Variants in FOXO4 observed in about 807,000 individuals in gnomAD.
The protein encoded by FOXO4 is forkhead box protein O4.
In FOXO4, 3 loss-of-function variants were observed where a neutral mutation model predicts 20.8. That is an observed-to-expected ratio of 0.14 (90% confidence interval 0.07 to 0.37). FOXO4 has a LOEUF of 0.37. Among genes scored for constraint, FOXO4 ranks in the 10% least tolerant of loss-of-function variants. The probability of loss-of-function intolerance (pLI) is 1.00; values close to 1 mark genes in which losing one functional copy is unlikely to be tolerated. For synonymous variants in FOXO4, 158 were observed against 180.0 expected (o/e 0.88, Z 0.98); for missense variants, 309 against 431.9 (o/e 0.72, Z 2.52).
At chrX:71,100,406 CT>C (rs778347611) in intron 1 of FOXO4, among the ~76,000 whole-genome samples, 3 of 106,998 alleles carry the variant, frequency 2.8e-5, no homozygotes, top group Non-Finnish European at 5.8e-5. Context: ...GTTTTCCCCC[CT>C]GGATTCAACT....
Position 71,101,330 on chromosome X carries a change from A to G in FOXO4, c.1100A>G (p.Glu367Gly). The change falls in exon 2 of 3, where the codon GAG (glutamate) becomes GGG (glycine). Residue 367 changes from glutamate to glycine, a missense_variant. By Grantham distance (98) the Glu-to-Gly change is moderately conservative. This residue lies in a region of FOXO4 where 223 missense variants were observed against 302.7 expected (regional missense o/e 0.74). Transcript: ENST00000374259. ...TGCTTCTCCAGCTCCCAGGCTCTGG[A>G]GGCCCTGCTCACCTCTGATACGCCA... ...EGCFSSSQAL[E>G]ALLTSDTPPP... 8.3e-7 allele frequency: 1 copy of G among 1,211,270 alleles called. No individual in the cohort carries two copies. Among genetic ancestry groups the G allele is most frequent in the Non-Finnish European group, 1.1e-6 (1 of 895,296 alleles).
chrX:71,096,683 C>A lies in FOXO4; in HGVS notation c.155C>A (p.Pro52Gln), dbSNP rs769783402. The change falls in exon 1 of 3, where the codon CCA becomes CAA. Residue 52 changes from proline (P) to glutamine (Q), a missense_variant. This residue lies in a region of FOXO4 where 81 missense variants were observed against 94.2 expected (regional missense o/e 0.86). Transcript: ENST00000374259. ...CCGTCCGAGCCGCCCGAGGTGGAGC[C>A]AGATCTGGGGGAAAAGGTACACACG... ...NQPSEPPEVE[P>Q]DLGEKVHTEG... The A allele has an allele frequency of 8.3e-7, 1 of 1,210,669 alleles. No homozygotes were observed. Among genetic ancestry groups the A allele is most frequent in the South Asian group, 1.8e-5 (1 of 56,726 alleles).
In FOXO4 at chrX:71,101,236, G is replaced by C; in HGVS notation, c.1006G>C (p.Gly336Arg). Residue 336 changes from glycine to arginine, a missense_variant, in exon 2 of 3, where the codon GGC becomes CGC. Gly to Arg is a moderately radical substitution (Grantham distance 125, BLOSUM62 -2). Around this residue, in one of 3 missense-constraint regions of FOXO4, gnomAD observed 223 missense variants for 302.7 expected, o/e 0.74. Coordinates refer to ENST00000374259, the MANE Select transcript of FOXO4 (RefSeq NM_005938.4). ...GFSLQHPGVT[G>R]PLHTYSSSLF... The stretch of plus-strand genomic sequence containing the variant: ...CTCTTTGCAGCATCCTGGGGTTACC[G>C]GCCCCTTACACACCTACAGCAGCTC... 8.3e-7 allele frequency: 1 copy of C among 1,211,234 alleles called. No individual in the cohort carries two copies. The highest frequency in any genetic ancestry group is 1.1e-6 in the Non-Finnish European group (1 of 895,343).
At position 71,101,061 on chromosome X, in the gene FOXO4, G is replaced by C. The variant is rs1405484394; in HGVS notation, c.831G>C (p.Glu277Asp). ...VSTRLSPLRP[E>D]SEVLAEEIPA... ...CCCGGCTGTCCCCCTTGAGGCCAGA[G>C]TCTGAGGTGCTGGCGGAGGAAATAC... The change falls in exon 2 of 3, where the codon GAG becomes GAC. Residue 277 changes from glutamate to aspartate, a missense_variant. This residue lies in a region of FOXO4 where 223 missense variants were observed against 302.7 expected (regional missense o/e 0.74). Transcript: ENST00000374259. 8.3e-7 allele frequency: 1 copy of C among 1,210,262 alleles called. No homozygotes were observed. The highest frequency in any genetic ancestry group is 1.1e-6 in the Non-Finnish European group (1 of 895,210).
At chrX:71,101,819 C>T (rs777474337) in intron 2 of FOXO4, 79 bp downstream of exon 2, 2 of 872,844 alleles carry the variant, frequency 2.3e-6, no homozygotes, top group South Asian at 2.0e-5. Flanking sequence ...ATGATCTGGG[C>T]GAAGGGGAGA....
At chrX:71,098,897 G>A (rs1259756756) in intron 1 of FOXO4, among the ~76,000 whole-genome samples, 1 of 111,147 alleles carries the variant, frequency 9.0e-6, no homozygotes, top group Non-Finnish European at 1.9e-5. Flanking sequence ...AGGGTCCCAG[G>A]AACACAAGGA....
rs1276524341 is a variant in FOXO4 at position 71,096,363 on chromosome X, A to G, written c.-166A>G. The stretch of plus-strand genomic sequence containing the variant: ...GGGGATCGGAGAACTGTGTGAAGGG[A>G]CAGCTTAGGGACTAGCGTCCTGGGA... On this transcript the variant is annotated 5_prime_UTR_variant, in exon 1 of 3. Coordinates refer to ENST00000374259, the MANE Select transcript of FOXO4 (RefSeq NM_005938.4). 6.4e-6 allele frequency: 3 copies of G among 467,405 alleles called. No individual in the cohort carries two copies. Among genetic ancestry groups the G allele is most frequent in the Non-Finnish European group, 1.1e-5 (3 of 264,953 alleles). 38.5% of individuals were successfully genotyped at this position (467,405 alleles called of 1,213,427 possible). A position where few individuals can be genotyped will look rare whatever the true frequency, so the allele number is the denominator to read the frequency against.
intron 1 of FOXO4, among the ~76,000 whole-genome samples, chrX:71,098,211 T>C (rs2092222652): frequency 8.9e-6 from 1 of 112,514 alleles, no homozygotes; most frequent in Non-Finnish European, 1.9e-5. Flanking sequence ...AAGTAGTTTT[T>C]AAAGTTTTTA....
chrX:71,100,701 C>T lies in FOXO4; in HGVS notation c.471C>T (p.Asn157=), dbSNP rs1244800781. The change falls in exon 2 of 3, where the codon AAC becomes AAT. Residue 157 remains asparagine, a synonymous_variant. Coordinates refer to ENST00000374259, the MANE Select transcript of FOXO4 (RefSeq NM_005938.4). ...CCCTCCAGAACTCGATCCGCCACAA[C>T]CTGTCCCTGCACAGCAAGTTCATCA... ...SAGWKNSIRH[N]LSLHSKFIKV... 21 of 1,196,827 alleles carry T rather than the reference C, an allele frequency of 1.8e-5. No homozygotes were observed. The highest frequency in any genetic ancestry group is 2.4e-5 in the Non-Finnish European group (21 of 886,326).
chrX:71,097,335 T>A (rs1306722158), intron 1 of FOXO4, among the ~76,000 whole-genome samples: 3 of 109,851 alleles, frequency 2.7e-5, no homozygotes, highest in Non-Finnish European at 5.7e-5. Context: ...ACTGTGTGGA[T>A]TCCCCACATG....
chrX:71,097,034 C>A, intron 1 of FOXO4, 53 bp downstream of exon 1: 1 of 1,046,038 alleles, frequency 9.6e-7, no homozygotes. Flanking sequence ...CCTGGACCCC[C>A]TAGCCTCCCT....
At chrX:71,097,287 A>T (rs2092220687) in intron 1 of FOXO4, among the ~76,000 whole-genome samples, 1 of 110,929 alleles carries the variant, frequency 9.0e-6, no homozygotes, top group South Asian at 3.8e-4. Flanking sequence ...CCAAACACTT[A>T]TTCCCACAGA....
In FOXO4 at chrX:71,102,636, A is replaced by G; in HGVS notation, c.*552A>G. On this transcript the variant is annotated 3_prime_UTR_variant, in exon 3 of 3. Coordinates refer to ENST00000374259, the MANE Select transcript of FOXO4 (RefSeq NM_005938.4). ...TCACCCTTAGAAGGCTGCAGATAACAGAAAGGCTTTTTATAAACTTTTAAA... is the reference window on the plus strand; with the variant it reads ...TCACCCTTAGAAGGCTGCAGATAACGGAAAGGCTTTTTATAAACTTTTAAA... The G allele has an allele frequency of 5.8e-6, 1 of 173,904 alleles. No individual in the cohort carries two copies. The highest frequency in any genetic ancestry group is 1.1e-5 in the Non-Finnish European group (1 of 90,475). The allele number at this position is 173,904 out of a possible 1,213,427, so 14.3% of individuals were successfully genotyped here.
rs1015257121 is a variant in FOXO4, at chrX:71,102,525, T to G, written c.*441T>G. The G allele has an allele frequency of 1.4e-5, 3 of 210,126 alleles. No individual in the cohort carries two copies. The highest frequency in any genetic ancestry group is 8.6e-5 in the African/African-American group (3 of 34,784). 17.3% of individuals were successfully genotyped at this position (210,126 alleles called of 1,213,427 possible). A position where few individuals can be genotyped will look rare whatever the true frequency, so the allele number is the denominator to read the frequency against. ...CCTGGGATTTCTATGCAGTGGCCCCTTAGGCCAGTGATGTGCGGTGGGTGG... is the reference window on the plus strand; with the variant it reads ...CCTGGGATTTCTATGCAGTGGCCCCGTAGGCCAGTGATGTGCGGTGGGTGG... On this transcript the variant is annotated 3_prime_UTR_variant, in exon 3 of 3. Coordinates refer to ENST00000374259, the MANE Select transcript of FOXO4 (RefSeq NM_005938.4).
rs752727573 is a variant in FOXO4 at position 71,097,724 on chromosome X, C to T, written c.453+743C>T. ...ACTTTAGAGCACAAAGTTGGGAGTTCTCTTGGCCTTCTGTGAAGAAACTGT... is the reference window on the plus strand; with the variant it reads ...ACTTTAGAGCACAAAGTTGGGAGTTTTCTTGGCCTTCTGTGAAGAAACTGT... On this transcript the variant is annotated intron_variant, in intron 1 of 2. Coordinates refer to ENST00000374259, the MANE Select transcript of FOXO4 (RefSeq NM_005938.4). 1.0e-3 allele frequency among the ~76,000 whole-genome samples: 112 copies of T among 111,542 alleles called. 1 individual carries two copies. In the Middle Eastern group the frequency reaches 0.014, roughly 14 times the overall value.
chrX:71,096,465 A>G lies in FOXO4; in HGVS notation c.-64A>G, dbSNP rs2092218205. The G allele has an allele frequency of 1.0e-6, 1 of 990,665 alleles. No homozygotes were observed. Among genetic ancestry groups the G allele is most frequent in the South Asian group, 2.1e-5 (1 of 47,279 alleles). The allele number at this position is 990,665 out of a possible 1,213,427, so 81.6% of individuals were successfully genotyped here. ...CCCTCGATGCTTCCCCCCTGAGGGG[A>G]GGCATCGTGAGGGACTGTGGCAGGC... On this transcript the variant is annotated 5_prime_UTR_variant, in exon 1 of 3. Transcript: ENST00000374259.
Position 71,096,195 on chromosome X carries a change from C to A in FOXO4, c.-334C>A. 3.7e-6 allele frequency: 1 copy of A among 268,647 alleles called. No individual in the cohort carries two copies. The highest frequency in any genetic ancestry group is 6.6e-6 in the Non-Finnish European group (1 of 152,478). The allele number at this position is 268,647 out of a possible 1,213,427, so 22.1% of individuals were successfully genotyped here. A position where few individuals can be genotyped will look rare whatever the true frequency, so the allele number is the denominator to read the frequency against. On this transcript the variant is annotated 5_prime_UTR_variant, in exon 1 of 3. Transcript: ENST00000374259. ...CTAAGGAGACGTTCGGTGATGGGAG[C>A]GCAATATATGAGGGGATACAGTGCC...
chrX:71,101,866 G>A, intron 2 of FOXO4, 126 bp downstream of exon 2: 1 of 704,190 alleles, frequency 1.4e-6, no homozygotes, highest in Admixed American at 2.4e-5. Flanking sequence ...CTGGGGAACT[G>A]GAGGGAAGAT....
At chrX:71,101,856 C>T (rs2147735958) in intron 2 of FOXO4, 116 bp downstream of exon 2, 1 of 728,394 alleles carries the variant, frequency 1.4e-6, no homozygotes, top group East Asian at 3.2e-5. Context: ...GCCAGAGCTC[C>T]TGGGGAACTG....
Sources: gnomAD v4.1 joint callset for allele counts (sites outside exome capture counted in the v4.1 genomes callset) on GRCh38, gnomAD v4.1.1 for gene constraint, gnomAD v4.1.1 regional missense constraint, MANE v1.5 for transcripts, NCBI Gene and HGNC (gene_info 2026-07-23, HGNC 2026-07-21) for gene names.